The following NCKAP5 variants were observed in gnomAD, a reference collection of about 807,000 sequenced individuals.
NCKAP5 encodes nck-associated protein 5.
NCKAP5 carries 92 observed loss-of-function variants against 167.0 expected under a neutral mutation model. The observed-to-expected ratio is 0.55, with a 90% confidence interval of 0.47 to 0.66. NCKAP5 has a LOEUF of 0.66. Ranked by LOEUF, NCKAP5 falls within the 30% of genes least tolerant of loss-of-function variation. The pLI is 0.00. For missense variants in NCKAP5, 2,378 were observed against 2,315.0 expected (o/e 1.03, Z -0.56); for synonymous variants, 891 against 877.4 (o/e 1.02, Z -0.27).
chr2:132,788,126 T>C (rs887064849), intron 13 of NCKAP5, among the ~76,000 whole-genome samples: 1 of 151,928 alleles, frequency 6.6e-6, no homozygotes, highest in Non-Finnish European at 1.5e-5. Context: ...AGCTTGGGGG[T>C]AGGAGACACA....
At chr2:132,748,446 T>C (rs1199501141) in intron 16 of NCKAP5, among the ~76,000 whole-genome samples, 4 of 152,234 alleles carry the variant, frequency 2.6e-5, no homozygotes, top group Non-Finnish European at 5.9e-5. Flanking sequence ...TTCTGAGTCA[T>C]TACTTCAGTT....
intron 3 of NCKAP5, among the ~76,000 whole-genome samples, chr2:133,452,237 G>A (rs1242130344): frequency 6.6e-6 from 1 of 152,092 alleles, no homozygotes; most frequent in Non-Finnish European, 1.5e-5. Context: ...CACACTGAAG[G>A]GCATCCCTGC....
At chr2:132,918,253 A>T (rs1156376026) in intron 8 of NCKAP5, among the ~76,000 whole-genome samples, 1 of 152,152 alleles carries the variant, frequency 6.6e-6, no homozygotes, top group East Asian at 1.9e-4. Flanking sequence ...TCTCAGCCAC[A>T]AGGAAAGGCT....
chr2:133,460,600 C>T (rs1395861287), intron 3 of NCKAP5, among the ~76,000 whole-genome samples: 1 of 152,140 alleles, frequency 6.6e-6, no homozygotes, highest in Non-Finnish European at 1.5e-5. Context: ...GCATATAATG[C>T]TCATAAAACC....
chr2:132,796,611 G>C lies in NCKAP5; in HGVS notation c.909+17C>G. 6.3e-7 allele frequency: 1 copy of C among 1,579,784 alleles called. No individual in the cohort carries two copies. Among genetic ancestry groups the C allele is most frequent in the Non-Finnish European group, 8.7e-7 (1 of 1,152,790 alleles). On this transcript the variant is annotated intron_variant, in intron 12 of 19. Transcript: ENST00000409261. ...AACCACCAAAACAAGTGTTCTGAAG[G>C]CAACTGGGAAACTCACGTGCACCTC...
intron 4 of NCKAP5, among the ~76,000 whole-genome samples, chr2:133,254,716 C>T (rs547582839): frequency 7.4e-4 from 112 of 152,142 alleles, no homozygotes; most frequent in African/African-American, 2.5e-3. Context: ...GGTGAAGTTA[C>T]GTAAGTTATC....
chr2:133,253,634 C>T (rs1308632451), intron 4 of NCKAP5, among the ~76,000 whole-genome samples: 1 of 152,128 alleles, frequency 6.6e-6, no homozygotes, highest in East Asian at 1.9e-4. Flanking sequence ...TGGGGTAGAG[C>T]TTGAGTTCTG....
chr2:133,535,868 G>T (rs886372557), intron 2 of NCKAP5, among the ~76,000 whole-genome samples: 18 of 152,094 alleles, frequency 1.2e-4, no homozygotes, highest in Non-Finnish European at 1.9e-4. Context: ...TTGTGGTTTG[G>T]ATTTACATTT....
At chr2:133,389,026 G>A (rs1364016888) in intron 3 of NCKAP5, among the ~76,000 whole-genome samples, 1 of 152,202 alleles carries the variant, frequency 6.6e-6, no homozygotes, top group East Asian at 1.9e-4. Flanking sequence ...CACTCTTGGT[G>A]CACTGCACCC....
intron 8 of NCKAP5, among the ~76,000 whole-genome samples, chr2:132,914,227 C>T (rs1694684238): frequency 6.6e-6 from 1 of 151,994 alleles, no homozygotes; most frequent in African/African-American, 2.4e-5. Context: ...TGAAAAGAAA[C>T]TTTATAATAA....
At chr2:133,131,700 T>C (rs1430011289) in intron 5 of NCKAP5, among the ~76,000 whole-genome samples, 1 of 152,148 alleles carries the variant, frequency 6.6e-6, no homozygotes, top group Non-Finnish European at 1.5e-5. Flanking sequence ...TTCTGTCACT[T>C]TGGAAAATGA....
At chr2:132,805,809 C>T (rs1436588181) in intron 11 of NCKAP5, among the ~76,000 whole-genome samples, 1 of 151,794 alleles carries the variant, frequency 6.6e-6, no homozygotes, top group African/African-American at 2.4e-5. Context: ...TATTGAGGTA[C>T]AGGCGGTATT....
At chr2:132,937,624 T>C (rs1696954746) in intron 8 of NCKAP5, among the ~76,000 whole-genome samples, 1 of 152,246 alleles carries the variant, frequency 6.6e-6, no homozygotes, top group African/African-American at 2.4e-5. Flanking sequence ...TGTTGATTGC[T>C]GCTTGTTGTT....
intron 4 of NCKAP5, among the ~76,000 whole-genome samples, chr2:133,241,575 A>T (rs1198421529): frequency 1.3e-5 from 2 of 152,212 alleles, no homozygotes; most frequent in African/African-American, 4.8e-5. Context: ...GAGATGTAAG[A>T]TATGACTGTC....
chr2:133,193,297 GA>G (rs1349265189), intron 5 of NCKAP5, among the ~76,000 whole-genome samples: 13 of 151,590 alleles, frequency 8.6e-5, no homozygotes. Context: ...CAACGTAAGG[GA>G]TCCATGTGGT....
At chr2:133,272,144 G>A (rs929520529) in intron 4 of NCKAP5, among the ~76,000 whole-genome samples, 4 of 151,814 alleles carry the variant, frequency 2.6e-5, no homozygotes, top group Admixed American at 6.6e-5. Context: ...AAAGAAAGGA[G>A]TATGTAGAAG....
At chr2:133,633,803 C>G in the NCKAP5 span, among the ~76,000 whole-genome samples, 2 of 152,164 alleles carry the variant, frequency 1.3e-5, no homozygotes, top group Non-Finnish European at 2.9e-5. Flanking sequence ...TTCAATGATA[C>G]TAAATAGCAG....
At chr2:133,134,661 C>G (rs1438104939) in intron 5 of NCKAP5, among the ~76,000 whole-genome samples, 1 of 152,200 alleles carries the variant, frequency 6.6e-6, no homozygotes, top group East Asian at 1.9e-4. Flanking sequence ...CATGGTTCTA[C>G]AGAATGATCT....
intron 6 of NCKAP5, among the ~76,000 whole-genome samples, chr2:133,102,896 C>T (rs1477095705): frequency 6.6e-6 from 1 of 151,076 alleles, no homozygotes; most frequent in South Asian, 2.1e-4. Context: ...ATTCAAGTCC[C>T]GTGAATGCAA....
Sources: allele counts gnomAD v4.1 joint callset (sites outside exome capture counted in the v4.1 genomes callset), GRCh38; gene constraint gnomAD v4.1.1; transcripts MANE v1.5; gene names NCBI Gene and HGNC (gene_info 2026-07-23, HGNC 2026-07-21).